PLAAT5: variants seen among roughly 807,000 people sequenced by gnomAD.
PLAAT5 encodes the protein phospholipase A and acyltransferase 5, also known as Ca(2+)-independent N-acyltransferase.
In PLAAT5, 27 loss-of-function variants were observed where a neutral mutation model predicts 27.8. The observed-to-expected ratio is 0.97, with a 90% CI of 0.72 to 1.34. The LOEUF is 1.34. Among genes scored for constraint, PLAAT5 ranks in the 40% most tolerant of loss-of-function variants. PLAAT5 has a pLI of 0.00. For synonymous variants in PLAAT5, 125 were observed against 136.1 expected (o/e 0.92, Z 0.57); for missense variants, 368 against 343.8 (o/e 1.07, Z -0.56).
At chr11:63,470,921 A>G (rs991585175) in intron 3 of PLAAT5, 1 of 152,206 alleles carries the variant, frequency 6.6e-6, no homozygotes, top group Admixed American at 6.5e-5. Context: ...AACATTACAT[A>G]TATAAAGAGG....
chr11:63,476,091 T>C (rs7951450), intron 3 of PLAAT5, among the ~76,000 whole-genome samples: 1,858 of 152,226 alleles, frequency 0.012, 34 homozygotes, highest in African/African-American at 0.041. Context: ...TTTCTTCCTG[T>C]TGATTAAGAT....
At chr11:63,468,612 A>C (rs2015929168) in intron 3 of PLAAT5, 147 bp from the exon 4 acceptor site, 1 of 622,748 alleles carries the variant, frequency 1.6e-6, no homozygotes, top group Admixed American at 2.9e-5. Flanking sequence ...TTCTCTTCAC[A>C]CTGAGGACCA....
chr11:63,469,607 G>T, intron 3 of PLAAT5: 1 of 224,288 alleles, frequency 4.5e-6, no homozygotes, highest in Non-Finnish European at 1.0e-5. Flanking sequence ...TAAAAGTGTG[G>T]GTGAGTGCAA....
Position 63,466,224 on chromosome 11 carries a change from C to G in PLAAT5, c.603G>C (p.Lys201Asn), listed in dbSNP as rs1336491469. Residue 201 changes from lysine to asparagine, a missense_variant, in exon 5 of 6, where the codon AAG (lysine) becomes AAC (asparagine). Physicochemically the swap from Lys to Asn is moderately conservative, Grantham distance 94. Transcript: ENST00000540857. ...CCATCTTTTTTGTACGCTGGATGAT[C>G]TTGTCCACCGGCAAGGGCAGGTACG... is the stretch of plus-strand genomic sequence containing the variant. ...DGTYLPLPVD[K>N]IIQRTKKMVN... 1 of 1,614,016 alleles carries G rather than the reference C, an allele frequency of 6.2e-7. No individual in the cohort carries two copies. The highest frequency in any genetic ancestry group is 8.5e-7 in the Non-Finnish European group (1 of 1,180,034).
chr11:63,480,116 G>A (rs2016249617), intron 3 of PLAAT5, among the ~76,000 whole-genome samples: 1 of 152,162 alleles, frequency 6.6e-6, no homozygotes, highest in Admixed American at 6.5e-5. Flanking sequence ...GGAACATGCG[G>A]TCCGTTCTTC....
chr11:63,478,708 C>T (rs944838506), intron 3 of PLAAT5, among the ~76,000 whole-genome samples: 3 of 152,220 alleles, frequency 2.0e-5, no homozygotes, highest in Non-Finnish European at 4.4e-5. Flanking sequence ...TTTTGTCTGG[C>T]TTCATAATTG....
intron 3 of PLAAT5, among the ~76,000 whole-genome samples, chr11:63,481,043 T>C (rs563933755): frequency 4.6e-5 from 7 of 152,362 alleles, no homozygotes; most frequent in African/African-American, 1.7e-4. Context: ...ATTTATAATT[T>C]CTATTTTTCT....
intron 3 of PLAAT5, among the ~76,000 whole-genome samples, chr11:63,486,108 A>AT (rs1285307759): frequency 6.6e-6 from 1 of 152,118 alleles, no homozygotes; most frequent in Non-Finnish European, 1.5e-5. Context: ...CAAAATGGCC[A>AT]TAACTTAAAA....
chr11:63,468,892 T>C (rs1249792442), intron 3 of PLAAT5, among the ~76,000 whole-genome samples: 1 of 152,078 alleles, frequency 6.6e-6, no homozygotes, highest in Non-Finnish European at 1.5e-5. Context: ...TGGTCAGTAG[T>C]GTGGGTGTGT....
At chr11:63,483,829 A>ATATATATACACATATATATATATGTG (rs2016365785) in intron 3 of PLAAT5, among the ~76,000 whole-genome samples, 1 of 118,352 alleles carries the variant, frequency 8.4e-6, no homozygotes, top group African/African-American at 3.0e-5. Context: ...ATATATATAT[A>ATATATATACACATATATATATATGTG]TATATATATA....
At chr11:63,477,415 T>C (rs2016176598) in intron 3 of PLAAT5, among the ~76,000 whole-genome samples, 1 of 152,214 alleles carries the variant, frequency 6.6e-6, no homozygotes, top group Non-Finnish European at 1.5e-5. Flanking sequence ...TTCTGTGATG[T>C]CTGTTTGTCT....
At chr11:63,471,599 G>C (rs2016026705) in intron 3 of PLAAT5, among the ~76,000 whole-genome samples, 1 of 152,190 alleles carries the variant, frequency 6.6e-6, no homozygotes, top group Non-Finnish European at 1.5e-5. Flanking sequence ...AAGTGGAGAG[G>C]CTCTTTGTGG....
chr11:63,477,036 CTTCT>C (rs1315600564), intron 3 of PLAAT5, among the ~76,000 whole-genome samples: 1 of 152,008 alleles, frequency 6.6e-6, no homozygotes, highest in Non-Finnish European at 1.5e-5. Flanking sequence ...TCATTTGGTG[CTTCT>C]TTATCATTTC....
chr11:63,478,727 A>G (rs1370693485), intron 3 of PLAAT5, among the ~76,000 whole-genome samples: 1 of 152,222 alleles, frequency 6.6e-6, no homozygotes, highest in Admixed American at 6.5e-5. Flanking sequence ...TGTTTTGGGA[A>G]AAGAGGATTT....
intron 1 of PLAAT5, 25 bp from the exon 2 acceptor site, chr11:63,490,358 T>C: frequency 1.2e-6 from 2 of 1,614,052 alleles, no homozygotes; most frequent in African/African-American, 1.3e-5. Context: ...GAAATGCTAT[T>C]TAGACCTGTG....
rs767538906 is a variant in PLAAT5, at chr11:63,490,946, G to A, written c.89C>T (p.Ala30Val). 10 of 1,598,796 alleles carry A rather than the reference G, an allele frequency of 6.3e-6. No homozygotes were observed. In the South Asian group the frequency reaches 1.1e-4, roughly 18 times the overall value. Residue 30 changes from alanine (A) to valine (V), a missense_variant, in exon 1 of 6, where the codon GCC becomes GTC. Coordinates refer to ENST00000540857, the MANE Select transcript of PLAAT5 (RefSeq NM_001146729.2). ...CGGCTGGTCCTTGGGCCCGGTACTG[G>A]CGGTTCGCGAGGCGGGTTTGGGGAG... is the stretch of plus-strand genomic sequence containing the variant. ...PPLPKPASRT[A>V]STGPKDQPPA... is the part of the protein sequence containing the mutation.
intron 2 of PLAAT5, among the ~76,000 whole-genome samples, chr11:63,489,678 T>C (rs1476610661): frequency 6.6e-6 from 1 of 152,196 alleles, no homozygotes; most frequent in Non-Finnish European, 1.5e-5. Context: ...TGAAAATGTG[T>C]CTCACAGTGG....
Position 63,462,477 on chromosome 11 carries a change from G to A in PLAAT5, c.*1026C>T, listed in dbSNP as rs1044933820. The A allele has an allele frequency of 6.6e-6, 1 of 152,202 alleles. No individual in the cohort carries two copies. The highest frequency in any genetic ancestry group is 6.5e-5 in the Admixed American group (1 of 15,280). 9.4% of individuals were successfully genotyped at this position (152,202 alleles called of 1,614,324 possible). The stretch of plus-strand genomic sequence containing the variant: ...AGGGTAAAAACATTGAAGAGTTTCA[G>A]TGAGAGTCTATTTTCTCCAAATAGG... On this transcript the variant is annotated 3_prime_UTR_variant, in exon 6 of 6. Coordinates refer to ENST00000540857, the MANE Select transcript of PLAAT5 (RefSeq NM_001146729.2).
At chr11:63,490,790 G>T in intron 1 of PLAAT5, 97 bp downstream of exon 1, 1 of 1,137,836 alleles carries the variant, frequency 8.8e-7, no homozygotes, top group Non-Finnish European at 1.2e-6. Flanking sequence ...CAACACAATC[G>T]CCAAATGTCT....
Sources: allele counts gnomAD v4.1 joint callset (sites outside exome capture counted in the v4.1 genomes callset), GRCh38; gene constraint gnomAD v4.1.1; transcripts MANE v1.5; gene names NCBI Gene and HGNC (gene_info 2026-07-23, HGNC 2026-07-21).